Variants in TJP1 observed in about 807,000 individuals in gnomAD.
The protein encoded by TJP1 is tight junction protein 1.
In TJP1, 43 loss-of-function variants were observed where a neutral mutation model predicts 194.2. The observed-to-expected ratio is 0.22, with a 90% CI of 0.17 to 0.29. The LOEUF (loss-of-function observed/expected upper bound fraction) is 0.29, where lower values mean the gene tolerates loss of function less well. Ranked by LOEUF, TJP1 falls within the 10% of genes least tolerant of loss-of-function variation. TJP1 has a pLI of 1.00. For missense variants in TJP1, 1,971 were observed against 2,185.7 expected, an observed-to-expected ratio of 0.90 and a Z score of 1.96; for synonymous variants, 801 against 779.0, an observed-to-expected ratio of 1.03 and a Z score of -0.47.
Position 29,704,250 on chromosome 15 carries a change from C to T in TJP1, c.5124G>A (p.Leu1708=). Residue 1708 remains leucine, a synonymous_variant, in exon 27 of 28, where the codon CTG becomes CTA. Transcript: ENST00000614355. The part of the protein sequence containing the change: ...VMCGPHGLKF[L]KPVELRLPHC... Reference sequence around the variant, plus strand: ...GTGGTAAGCGCAGCTCCACAGGCTTCAGGAACTTGAGGCCATGGGGACCAC... The same window carrying T: ...GTGGTAAGCGCAGCTCCACAGGCTTTAGGAACTTGAGGCCATGGGGACCAC... 1.3e-6 allele frequency: 2 copies of T among 1,598,064 alleles called. No individual in the cohort carries two copies. The highest frequency in any genetic ancestry group is 1.7e-4 in the Middle Eastern group (1 of 6,048).
At chr15:29,713,815 G>C (rs925975633) in intron 23 of TJP1, among the ~76,000 whole-genome samples, 1 of 152,098 alleles carries the variant, frequency 6.6e-6, no homozygotes, top group Non-Finnish European at 1.5e-5. Context: ...CAATTATAAA[G>C]AGTTTCAATT....
At chr15:29,795,315 C>T (rs1182786311) in intron 2 of TJP1, among the ~76,000 whole-genome samples, 8 of 151,172 alleles carry the variant, frequency 5.3e-5, no homozygotes, top group African/African-American at 1.9e-4. Flanking sequence ...CCCAGCTACT[C>T]GAGAGGCTGA....
chr15:29,843,761 G>A (rs1001954704), intron 2 of TJP1, among the ~76,000 whole-genome samples: 8 of 152,210 alleles, frequency 5.3e-5, no homozygotes, highest in African/African-American at 1.9e-4. Context: ...CATCTGTGGG[G>A]AAGGCAGGGG....
At chr15:29,868,971 T>G (rs1004914555) in intron 2 of TJP1, among the ~76,000 whole-genome samples, 3 of 152,092 alleles carry the variant, frequency 2.0e-5, no homozygotes, top group Non-Finnish European at 4.4e-5. Context: ...ATTAAAAATA[T>G]ATAAGGGAAT....
chr15:29,857,952 G>A (rs894562841), intron 2 of TJP1, among the ~76,000 whole-genome samples: 11 of 152,154 alleles, frequency 7.2e-5, no homozygotes, highest in East Asian at 3.9e-4. Context: ...TCGTAGAGAC[G>A]GGGCTTCACC....
At chr15:29,940,460 A>C (rs930324057) in intron 2 of TJP1, among the ~76,000 whole-genome samples, 4 of 152,242 alleles carry the variant, frequency 2.6e-5, no homozygotes, top group Non-Finnish European at 5.9e-5. Flanking sequence ...AATGCTCAGC[A>C]GTCATATAAT....
intron 10 of TJP1, among the ~76,000 whole-genome samples, chr15:29,740,507 C>T (rs2044341515): frequency 6.6e-6 from 1 of 151,860 alleles, no homozygotes; most frequent in African/African-American, 2.4e-5. Flanking sequence ...GGTGTGTGTC[C>T]TTTCATCCCA....
intron 4 of TJP1, among the ~76,000 whole-genome samples, chr15:29,768,814 A>G (rs2046474586): frequency 6.6e-6 from 1 of 152,196 alleles, no homozygotes; most frequent in Non-Finnish European, 1.5e-5. Flanking sequence ...ACACTATGAA[A>G]AATTTGGAAT....
In TJP1 at chr15:29,761,175, T is replaced by A. The variant is rs200934057; in HGVS notation, c.974A>T (p.His325Leu). 1.9e-4 allele frequency: 310 copies of A among 1,612,570 alleles called. 1 individual carries two copies. The highest frequency in any genetic ancestry group is 2.3e-4 in the Non-Finnish European group (277 of 1,179,498). The change falls in exon 8 of 28, where the codon CAT (histidine) becomes CTT (leucine). Residue 325 changes from histidine to leucine, a missense_variant. This residue lies in a region of TJP1 where 192 missense variants were observed against 182.3 expected (regional missense o/e 1.05). Transcript: ENST00000614355. ...SPDQRSEPSD[H>L]SRHSPQQPSN... ...TGGCTGCTGCGGCGAGTGCCTGGAA[T>A]GATCAGAAGGCTCTGACCGCTGGTC...
chr15:29,814,961 T>C (rs566031609), intron 1 of TJP1, among the ~76,000 whole-genome samples: 13 of 152,238 alleles, frequency 8.5e-5, no homozygotes, highest in Non-Finnish European at 1.9e-4. Flanking sequence ...TGTTTTACAG[T>C]ACAAAGTTTG....
At chr15:29,821,218 T>C (rs1048433025) in intron 1 of TJP1, among the ~76,000 whole-genome samples, 4 of 152,124 alleles carry the variant, frequency 2.6e-5, no homozygotes, top group Admixed American at 2.6e-4. Context: ...TTCAAAGCAA[T>C]GGGAAAATGC....
intron 2 of TJP1, among the ~76,000 whole-genome samples, chr15:29,900,967 A>G (rs957615726): frequency 1.3e-5 from 2 of 152,130 alleles, no homozygotes; most frequent in Non-Finnish European, 2.9e-5. Context: ...CAGAGGGAGG[A>G]TATCTAGGAG....
chr15:29,858,809 G>A (rs545496246), intron 2 of TJP1, among the ~76,000 whole-genome samples: 1 of 151,924 alleles, frequency 6.6e-6, no homozygotes, highest in Non-Finnish European at 1.5e-5. Flanking sequence ...AGCTTCCCAA[G>A]TAGCTGGGAC....
chr15:29,922,973 T>A (rs2054414027), intron 2 of TJP1, among the ~76,000 whole-genome samples: 1 of 152,198 alleles, frequency 6.6e-6, no homozygotes, highest in Non-Finnish European at 1.5e-5. Context: ...AACTGTTTAA[T>A]CTGAACAGTG....
chr15:29,807,801 G>A (rs1391510152), intron 1 of TJP1, among the ~76,000 whole-genome samples: 1 of 151,780 alleles, frequency 6.6e-6, no homozygotes, highest in Non-Finnish European at 1.5e-5. Flanking sequence ...AAGTTATAAT[G>A]GTATAGAAAA....
chr15:29,872,794 C>T (rs955278689), intron 2 of TJP1, among the ~76,000 whole-genome samples: 3 of 152,166 alleles, frequency 2.0e-5, no homozygotes, highest in African/African-American at 7.2e-5. Context: ...AGCCACCACA[C>T]AGAAAGGTCC....
chr15:29,950,149 C>T lies in TJP1; in HGVS notation c.306+6083G>A, dbSNP rs552659360. Among the ~76,000 whole-genome samples, 16 of 117,158 alleles carry T rather than the reference C, an allele frequency of 1.4e-4. 1 individual carries two copies. The highest frequency in any genetic ancestry group is 2.6e-4 in the Admixed American group (3 of 11,354). The allele number at this position is 117,158 out of a possible 152,430, so 76.9% of individuals were successfully genotyped here. On this transcript the variant is annotated intron_variant, in intron 2 of 28. Transcript: ENST00000356107. The stretch of plus-strand genomic sequence containing the variant: ...CCACCTCCACCACCACCACAACCAC[C>T]ACCTCCACCACCACCACAACCACTA...
intron 2 of TJP1, among the ~76,000 whole-genome samples, chr15:29,868,171 G>C (rs1235653041): frequency 5.3e-5 from 8 of 152,208 alleles, no homozygotes; most frequent in Middle Eastern, 3.4e-3. Context: ...TTATAGTCAT[G>C]TTTTGTGCCA....
chr15:29,769,202 C>T (rs529753157), intron 4 of TJP1, among the ~76,000 whole-genome samples: 2 of 152,216 alleles, frequency 1.3e-5, no homozygotes, highest in East Asian at 1.9e-4. Flanking sequence ...ATGCAAAGGA[C>T]ATGAACAGGT....
Sources: allele counts gnomAD v4.1 joint callset (sites outside exome capture counted in the v4.1 genomes callset), GRCh38; gene constraint gnomAD v4.1.1; regional missense constraint gnomAD v4.1.1; transcripts MANE v1.5; gene names NCBI Gene and HGNC (gene_info 2026-07-23, HGNC 2026-07-21).